Variants in EPHA6 observed in about 807,000 individuals in gnomAD.
The protein encoded by EPHA6 is ephrin type-A receptor 6.
In EPHA6, 50 loss-of-function variants were observed where a neutral mutation model predicts 112.0. That is an observed-to-expected ratio of 0.45 (90% CI 0.36 to 0.56). The LOEUF (loss-of-function observed/expected upper bound fraction) is 0.56. EPHA6 is among the 20% of genes least tolerant of loss of function. The probability of loss-of-function intolerance (pLI) is 0.00; values close to 1 mark genes in which losing one functional copy is unlikely to be tolerated. For missense variants in EPHA6, 1,280 were observed against 1,417.4 expected, an observed-to-expected ratio of 0.90 and a Z score of 1.56; for synonymous variants, 529 against 490.7, an observed-to-expected ratio of 1.08 and a Z score of -1.03.
chr3:97,604,065 C>T (rs957738190), intron 12 of EPHA6, among the ~76,000 whole-genome samples: 7 of 151,808 alleles, frequency 4.6e-5, no homozygotes, highest in African/African-American at 1.4e-4. Context: ...GTTTTAAACA[C>T]ATTATCCTTT....
intron 1 of EPHA6, among the ~76,000 whole-genome samples, chr3:96,855,883 A>G (rs2035667897): frequency 6.6e-6 from 1 of 152,156 alleles, no homozygotes. Context: ...ATTCTTCATC[A>G]GTAAAAATTA....
intron 13 of EPHA6, among the ~76,000 whole-genome samples, chr3:97,631,153 T>G (rs2093899550): frequency 6.6e-6 from 1 of 152,060 alleles, no homozygotes; most frequent in African/African-American, 2.4e-5. Context: ...AAAACAAAAG[T>G]AAGTGGAAAG....
intron 7 of EPHA6, among the ~76,000 whole-genome samples, chr3:97,474,138 A>T (rs1419074010): frequency 6.6e-6 from 1 of 151,802 alleles, no homozygotes; most frequent in African/African-American, 2.4e-5. Context: ...CTGGATATGA[A>T]TTTGCACATA....
intron 10 of EPHA6, among the ~76,000 whole-genome samples, chr3:97,491,079 C>T (rs1443580657): frequency 6.6e-6 from 1 of 152,128 alleles, no homozygotes; most frequent in Non-Finnish European, 1.5e-5. Context: ...ACAGAAGTCA[C>T]AGTGTTTTAT....
intron 5 of EPHA6, among the ~76,000 whole-genome samples, chr3:97,276,156 G>T (rs1288132561): frequency 6.6e-6 from 1 of 152,020 alleles, no homozygotes; most frequent in African/African-American, 2.4e-5. Context: ...AGAAGGTGAC[G>T]GACTTACCCT....
Position 96,989,791 on chromosome 3 carries a change from G to A in EPHA6, c.1114+1798G>A, listed in dbSNP as rs115176070. Among the ~76,000 whole-genome samples the A allele has an allele frequency of 3.8e-3, 574 of 152,204 alleles. 5 individuals carry two copies. Among genetic ancestry groups the A allele is most frequent in the Middle Eastern group, 0.031 (9 of 294 alleles). ...AGATCTCATGAGAACTCACTATCAT[G>A]AGAACAGCAAAAAGGAAGTCCACCC... On this transcript the variant is annotated intron_variant, in intron 3 of 17. Transcript: ENST00000389672.
At chr3:97,568,885 G>T (rs1445530873) in intron 11 of EPHA6, among the ~76,000 whole-genome samples, 1 of 152,156 alleles carries the variant, frequency 6.6e-6, no homozygotes, top group Non-Finnish European at 1.5e-5. Context: ...GGAGCAGAGT[G>T]GATGTCATCG....
intron 5 of EPHA6, among the ~76,000 whole-genome samples, chr3:97,365,387 T>C (rs2084657442): frequency 6.6e-6 from 1 of 151,742 alleles, no homozygotes; most frequent in Non-Finnish European, 1.5e-5. Flanking sequence ...ACAGGAAAAA[T>C]CATAAAGACT....
chr3:97,356,081 C>G (rs2084060680), intron 5 of EPHA6, among the ~76,000 whole-genome samples: 1 of 152,186 alleles, frequency 6.6e-6, no homozygotes, highest in African/African-American at 2.4e-5. Context: ...CCATCACTAG[C>G]ATTACTGCCT....
chr3:97,451,640 C>T (rs982336749), intron 7 of EPHA6, among the ~76,000 whole-genome samples: 1 of 149,484 alleles, frequency 6.7e-6, no homozygotes, highest in African/African-American at 2.5e-5. Flanking sequence ...TTTTCAAAGC[C>T]TGCTGTTTAT....
At chr3:97,144,565 C>A (rs946218226) in intron 3 of EPHA6, among the ~76,000 whole-genome samples, 14 of 151,010 alleles carry the variant, frequency 9.3e-5, no homozygotes, top group African/African-American at 3.1e-4. Flanking sequence ...CTTCCATGCT[C>A]CTATTCAATA....
intron 1 of EPHA6, among the ~76,000 whole-genome samples, chr3:96,863,119 T>C (rs887551265): frequency 1.3e-5 from 2 of 152,048 alleles, no homozygotes; most frequent in African/African-American, 4.8e-5. Flanking sequence ...ATTTATGCTA[T>C]GAATAAATAA....
chr3:97,531,316 T>A (rs2107646375), intron 10 of EPHA6, among the ~76,000 whole-genome samples: 1 of 152,162 alleles, frequency 6.6e-6, no homozygotes, highest in South Asian at 2.1e-4. Context: ...TGCATTACAT[T>A]GCACTGAGAA....
intron 3 of EPHA6, among the ~76,000 whole-genome samples, chr3:97,185,740 G>A (rs1435673275): frequency 2.6e-5 from 4 of 152,070 alleles, no homozygotes; most frequent in African/African-American, 9.7e-5. Flanking sequence ...TATAAATCAT[G>A]CCGCTATAAA....
At chr3:97,582,991 G>A (rs2093453662) in intron 11 of EPHA6, among the ~76,000 whole-genome samples, 1 of 150,712 alleles carries the variant, frequency 6.6e-6, no homozygotes, top group Non-Finnish European at 1.5e-5. Flanking sequence ...TGGCCAGTCT[G>A]GTCTATAGGC....
At chr3:97,146,595 ACT>A (rs1252263027) in intron 3 of EPHA6, among the ~76,000 whole-genome samples, 6 of 152,076 alleles carry the variant, frequency 3.9e-5, no homozygotes, top group African/African-American at 1.4e-4. Context: ...ATATTAGGTA[ACT>A]CACACCAATA....
intron 11 of EPHA6, among the ~76,000 whole-genome samples, chr3:97,589,276 G>C (rs774627547): frequency 4.3e-4 from 65 of 151,468 alleles, no homozygotes; most frequent in Non-Finnish European, 9.0e-4. Flanking sequence ...GACACCCCTT[G>C]TTACGGATTA....
At chr3:97,411,567 G>T (rs1481440247) in intron 6 of EPHA6, among the ~76,000 whole-genome samples, 4 of 151,792 alleles carry the variant, frequency 2.6e-5, no homozygotes, top group African/African-American at 9.7e-5. Context: ...ATCCAAGAAA[G>T]AAAAAAATAG....
chr3:97,118,928 A>C (rs1470596991), intron 3 of EPHA6, among the ~76,000 whole-genome samples: 2 of 151,994 alleles, frequency 1.3e-5, no homozygotes, highest in Non-Finnish European at 2.9e-5. Flanking sequence ...AGATTCTACT[A>C]AGTAATATGA....
Sources: allele counts gnomAD v4.1 joint callset (sites outside exome capture counted in the v4.1 genomes callset), GRCh38; gene constraint gnomAD v4.1.1; transcripts MANE v1.5; gene names NCBI Gene and HGNC (gene_info 2026-07-23, HGNC 2026-07-21).